Variants in LINGO2 observed in about 807,000 individuals in gnomAD.
The protein encoded by LINGO2 is leucine rich repeat and Ig domain containing 2.
In LINGO2, 14 loss-of-function variants were observed where a neutral mutation model predicts 30.6. The observed-to-expected ratio is 0.46, with a 90% confidence interval of 0.30 to 0.72. The LOEUF is 0.72. Among genes scored for constraint, LINGO2 ranks in the 30% least tolerant of loss-of-function variants. The pLI, the probability that LINGO2 is intolerant of heterozygous loss-of-function variation, is 0.07. For missense variants in LINGO2, 729 were observed against 751.7 expected (o/e 0.97, Z 0.35); for synonymous variants, 317 against 288.5 (o/e 1.10, Z -1.00).
rs1443801940 is a variant in LINGO2 at position 28,063,200 on chromosome 9, C to A, written c.-86-50795G>T. Among the ~76,000 whole-genome samples, 3 of 152,082 alleles carry A rather than the reference C, an allele frequency of 2.0e-5. No homozygotes were observed. The East Asian group carries it at 5.8e-4, about 29-fold the overall frequency. ...CTTTCTTTTAGTTTGTGTGCAGAAA[C>A]AGAAGAATGTAATAAATATCACCCA... is the stretch of plus-strand genomic sequence containing the variant. On this transcript the variant is annotated intron_variant, in intron 4 of 5. Transcript: ENST00000379992.
the LINGO2 span, among the ~76,000 whole-genome samples, chr9:28,938,258 C>T: frequency 6.6e-6 from 1 of 152,116 alleles, no homozygotes; most frequent in African/African-American, 2.4e-5. Context: ...TTATGGGTTA[C>T]CTCTTTATGG....
the LINGO2 span, among the ~76,000 whole-genome samples, chr9:28,956,225 C>T: frequency 0.52 from 78,714 of 151,642 alleles, 21,526 homozygotes; most frequent in Non-Finnish European, 0.6. Context: ...AACTTGGTAT[C>T]AAGTGTCTCT....
At chr9:29,087,053 T>G in the LINGO2 span, among the ~76,000 whole-genome samples, 55 of 152,150 alleles carry the variant, frequency 3.6e-4, no homozygotes, top group Admixed American at 2.5e-3. Flanking sequence ...TTTTTTGTAT[T>G]TTTAGTAGAG....
the LINGO2 span, among the ~76,000 whole-genome samples, chr9:29,033,340 T>C: frequency 5.0e-3 from 745 of 148,564 alleles, 6 homozygotes; most frequent in African/African-American, 0.017. Flanking sequence ...TGGTTTGGAT[T>C]GTTATTCAAA....
chr9:28,734,128 T>C, the LINGO2 span, among the ~76,000 whole-genome samples: 1 of 152,048 alleles, frequency 6.6e-6, no homozygotes, highest in Non-Finnish European at 1.5e-5. Flanking sequence ...CAGTAAATAA[T>C]ACCAGTAACT....
the LINGO2 span, among the ~76,000 whole-genome samples, chr9:28,996,504 G>T: frequency 2.0e-5 from 3 of 152,140 alleles, no homozygotes; most frequent in Admixed American, 2.0e-4. Context: ...ATTGCCTTTT[G>T]CAGGCTAGAA....
chr9:28,929,129 G>A, the LINGO2 span, among the ~76,000 whole-genome samples: 2 of 152,164 alleles, frequency 1.3e-5, no homozygotes, highest in Non-Finnish European at 2.9e-5. Flanking sequence ...TTTAGTTTGC[G>A]TTTTTCTACC....
chr9:28,199,321 A>ATCTTCTTCT lies in LINGO2; in HGVS notation c.-87+95878_-87+95886dup, dbSNP rs547009763. ...TCATAAAGTTGAAAGACTACGGGCT[A>ATCTTCTTCT]TCTTCTTCTTCTTCTTCTTCTTCTT... On this transcript the variant is annotated intron_variant, in intron 4 of 5. Coordinates refer to ENST00000379992, the Ensembl canonical transcript of LINGO2. 6.8e-4 allele frequency among the ~76,000 whole-genome samples: 94 copies of ATCTTCTTCT among 138,848 alleles called. 4 individuals are homozygous for ATCTTCTTCT. Among genetic ancestry groups the ATCTTCTTCT allele is most frequent in the East Asian group, 2.2e-3 (11 of 4,936 alleles). 91.1% of individuals were successfully genotyped at this position (138,848 alleles called of 152,430 possible).
chr9:28,911,427 C>T, the LINGO2 span, among the ~76,000 whole-genome samples: 1 of 151,902 alleles, frequency 6.6e-6, no homozygotes. Flanking sequence ...AAAAAATTTT[C>T]TATAATCTGA....
chr9:28,513,433 C>T (rs1459669073), intron 1 of LINGO2, among the ~76,000 whole-genome samples: 1 of 152,094 alleles, frequency 6.6e-6, no homozygotes, highest in Admixed American at 6.5e-5. Context: ...TTTTAGGGTA[C>T]AGCTATATAA....
intron 3 of LINGO2, among the ~76,000 whole-genome samples, chr9:28,317,958 C>T (rs1824903683): frequency 6.6e-6 from 1 of 152,102 alleles, no homozygotes; most frequent in East Asian, 1.9e-4. Flanking sequence ...GTTTGAATGG[C>T]CATTCTCTCA....
chr9:28,150,335 G>C (rs1020656290), intron 4 of LINGO2, among the ~76,000 whole-genome samples: 2 of 152,186 alleles, frequency 1.3e-5, no homozygotes, highest in Non-Finnish European at 2.9e-5. Context: ...CCCCAAGTTT[G>C]CATTTTCGAC....
chr9:28,494,471 GT>G (rs1356302993), intron 1 of LINGO2, among the ~76,000 whole-genome samples: 1 of 151,918 alleles, frequency 6.6e-6, no homozygotes, highest in Non-Finnish European at 1.5e-5. Context: ...TGTGATGTTT[GT>G]TTTTTTGTCC....
chr9:28,637,055 C>T (rs1224541549), intron 1 of LINGO2, among the ~76,000 whole-genome samples: 2 of 152,104 alleles, frequency 1.3e-5, no homozygotes, highest in African/African-American at 2.4e-5. Context: ...GCCAGTTTTC[C>T]CAGCACCATT....
chr9:28,723,946 C>CATTTTTT, the LINGO2 span, among the ~76,000 whole-genome samples: 1 of 152,010 alleles, frequency 6.6e-6, no homozygotes, highest in Non-Finnish European at 1.5e-5. Context: ...ACAAGATGAG[C>CATTTTTT]TATTCTTTTT....
At chr9:28,016,387 T>A (rs1330508966) in intron 4 of LINGO2, among the ~76,000 whole-genome samples, 1 of 152,126 alleles carries the variant, frequency 6.6e-6, no homozygotes, top group Non-Finnish European at 1.5e-5. Context: ...AGGATATTTT[T>A]ATCCCCTGAA....
At chr9:29,003,722 G>A in the LINGO2 span, among the ~76,000 whole-genome samples, 1 of 151,934 alleles carries the variant, frequency 6.6e-6, no homozygotes, top group Non-Finnish European at 1.5e-5. Context: ...GCAGCAGCAG[G>A]CTCCAGAGAA....
At chr9:28,355,299 GTCTCTCTCTC>G (rs3065608) in intron 3 of LINGO2, among the ~76,000 whole-genome samples, 46,359 of 120,652 alleles carry the variant, frequency 0.38, 9,116 homozygotes, top group Non-Finnish European at 0.44. Flanking sequence ...CTCTCTCTAT[GTCTCTCTCTC>G]TCTCTCTCTC....
the LINGO2 span, among the ~76,000 whole-genome samples, chr9:28,814,444 G>A: frequency 5.3e-5 from 8 of 151,954 alleles, no homozygotes; most frequent in Non-Finnish European, 1.0e-4. Flanking sequence ...TCAAACAAAC[G>A]AATAAAAAAA....
Sources: allele counts gnomAD v4.1 joint callset (sites outside exome capture counted in the v4.1 genomes callset), GRCh38; gene constraint gnomAD v4.1.1; transcripts MANE v1.5; gene names NCBI Gene and HGNC (gene_info 2026-07-23, HGNC 2026-07-21).